The following PCDHA4 variants were observed in gnomAD, a reference collection of about 807,000 sequenced individuals.
PCDHA4 encodes protocadherin alpha-4.
In PCDHA4, 49 loss-of-function variants were observed where a neutral mutation model predicts 61.4. That is an observed-to-expected ratio of 0.80 (90% CI 0.63 to 1.01). PCDHA4 has a LOEUF of 1.01. Among genes scored for constraint, PCDHA4 ranks in the 50% least tolerant of loss-of-function variants. The pLI, the probability that PCDHA4 is intolerant of heterozygous loss-of-function variation, is 0.00. For synonymous variants in PCDHA4, 590 were observed against 550.3 expected (o/e 1.07, Z -1.01); for missense variants, 1,254 against 1,235.8 (o/e 1.01, Z -0.22).
At chr5:140,916,463 G>A (rs934007072) in intron 1 of PCDHA4, among the ~76,000 whole-genome samples, 2 of 152,212 alleles carry the variant, frequency 1.3e-5, no homozygotes, top group African/African-American at 2.4e-5. Flanking sequence ...TATCACTGCT[G>A]GTTATTTGGT....
Position 140,836,203 on chromosome 5 carries a change from T to G in PCDHA4, c.2385+26631T>G, listed in dbSNP as rs2150255288. The G allele has an allele frequency of 4.3e-6, 7 of 1,613,840 alleles. 1 individual carries two copies. The highest frequency in any genetic ancestry group is 1.7e-5 in the Admixed American group (1 of 60,022). On this transcript the variant is annotated intron_variant, in intron 1 of 3. Coordinates refer to ENST00000530339, the MANE Select transcript of PCDHA4 (RefSeq NM_018907.4). Reference sequence around the variant, plus strand: ...GCTGACTCAGGCTACAACGCGTGGCTTTCGTATGAGTTGCAACCGGTGGCG... The same window carrying G: ...GCTGACTCAGGCTACAACGCGTGGCGTTCGTATGAGTTGCAACCGGTGGCG...
chr5:140,977,067 A>G (rs2096744217), intron 1 of PCDHA4, among the ~76,000 whole-genome samples: 1 of 152,250 alleles, frequency 6.6e-6, no homozygotes, highest in South Asian at 2.1e-4. Context: ...TATAGAAAAT[A>G]GCAGCATGAC....
chr5:141,009,452 TAAAC>T (rs1226554195), intron 3 of PCDHA4, among the ~76,000 whole-genome samples, 171 bp from the exon 4 acceptor site: 1 of 152,120 alleles, frequency 6.6e-6, no homozygotes, highest in Non-Finnish European at 1.5e-5. Flanking sequence ...TCAAAAAAAT[TAAAC>T]AAATAAATAA....
In PCDHA4 at chr5:140,835,890, G is replaced by T. The variant is rs147416989; in HGVS notation, c.2385+26318G>T. Reference sequence around the variant, plus strand: ...GGTGGAGCTGCGGGTGGGCGAGCGCGCGCTGTCGAGCTACGTGTCAGTGCA... The same window carrying T: ...GGTGGAGCTGCGGGTGGGCGAGCGCTCGCTGTCGAGCTACGTGTCAGTGCA... On this transcript the variant is annotated intron_variant, in intron 1 of 3. Coordinates refer to ENST00000530339, the MANE Select transcript of PCDHA4 (RefSeq NM_018907.4). 490 of 1,611,966 alleles carry T rather than the reference G, an allele frequency of 3.0e-4. 3 individuals carry two copies. In the African/African-American group the frequency reaches 5.1e-3, roughly 17 times the overall value.
chr5:140,852,129 C>T (rs2042245206), intron 1 of PCDHA4: 2 of 891,056 alleles, frequency 2.2e-6, no homozygotes, highest in South Asian at 5.1e-5. Context: ...ATTAAAAACT[C>T]AGTAGAGAAA....
chr5:140,869,096 C>G (rs2050848393), intron 1 of PCDHA4: 2 of 1,594,364 alleles, frequency 1.3e-6, no homozygotes, highest in African/African-American at 2.7e-5. Context: ...AAGCCAATTT[C>G]GTATGCGATG....
At chr5:140,899,702 G>A (rs2067498720) in intron 1 of PCDHA4, among the ~76,000 whole-genome samples, 1 of 152,228 alleles carries the variant, frequency 6.6e-6, no homozygotes, top group African/African-American at 2.4e-5. Flanking sequence ...CATAAAATGA[G>A]TTAGGGAGGA....
intron 1 of PCDHA4, chr5:140,850,691 C>A: frequency 1.3e-6 from 2 of 1,598,334 alleles, no homozygotes; most frequent in Non-Finnish European, 1.7e-6. Context: ...AGGGCGAGTG[C>A]GCGCCTGGCA....
chr5:140,906,534 A>G (rs7704223), intron 1 of PCDHA4, among the ~76,000 whole-genome samples: 49,309 of 152,142 alleles, frequency 0.32, 8,308 homozygotes, highest in East Asian at 0.53. Flanking sequence ...GACAATTAAA[A>G]TCCTCATTTC....
At chr5:140,863,307 C>G in intron 1 of PCDHA4, 1 of 1,462,496 alleles carries the variant, frequency 6.8e-7, no homozygotes. Context: ...TCGCCATCTG[C>G]GTGGTGTCCA....
chr5:140,852,913 C>G, intron 1 of PCDHA4: 9 of 789,792 alleles, frequency 1.1e-5, no homozygotes, highest in Non-Finnish European at 1.4e-5. Flanking sequence ...GAGTCTCGCT[C>G]TGTTGCCCAG....
rs371906545 is a variant in PCDHA4, at chr5:140,875,244, A to C, written c.2385+65672A>C. 9 of 951,720 alleles carry C rather than the reference A, an allele frequency of 9.5e-6. No homozygotes were observed. The East Asian group carries it at 2.2e-4, about 24-fold the overall frequency. The allele number at this position is 951,720 out of a possible 1,614,324, so 59.0% of individuals were successfully genotyped here. A position where few individuals can be genotyped will look rare whatever the true frequency, so the allele number is the denominator to read the frequency against. ...TCAGGATCTTTCTTGTACTTACATA[A>C]TCAGTCACATGATGTCGCTCTACAC... On this transcript the variant is annotated intron_variant, in intron 1 of 3. Transcript: ENST00000530339.
At chr5:140,827,146 C>T (rs1245117168) in intron 1 of PCDHA4, among the ~76,000 whole-genome samples, 1 of 152,036 alleles carries the variant, frequency 6.6e-6, no homozygotes, top group Non-Finnish European at 1.5e-5. Flanking sequence ...AGAAGGGATG[C>T]AGATATGGAT....
Position 141,010,230 on chromosome 5 carries a change from C to T in PCDHA4, c.*293C>T. The T allele has an allele frequency of 1.3e-6, 2 of 1,551,936 alleles. No homozygotes were observed. Among genetic ancestry groups the T allele is most frequent in the African/African-American group, 1.4e-5 (1 of 73,162 alleles). Reference sequence around the variant, plus strand: ...GCAAAGGAGAGGCTTCCCAGCCCCGCCAGTGAGAGGTTGGACTCTCTGCCC... The same window carrying T: ...GCAAAGGAGAGGCTTCCCAGCCCCGTCAGTGAGAGGTTGGACTCTCTGCCC... On this transcript the variant is annotated 3_prime_UTR_variant, in exon 4 of 4. Transcript: ENST00000530339.
At chr5:140,833,396 C>T (rs2150208184) in intron 1 of PCDHA4, among the ~76,000 whole-genome samples, 1 of 152,272 alleles carries the variant, frequency 6.6e-6, no homozygotes, top group Non-Finnish European at 1.5e-5. Flanking sequence ...TACCTCAAGA[C>T]TTGATCAAAG....
chr5:140,968,150 A>C, intron 1 of PCDHA4: 1 of 1,614,180 alleles, frequency 6.2e-7, no homozygotes. Context: ...GATCTCTGAC[A>C]TCAATGACAA....
At chr5:140,857,569 G>T (rs1554150250) in intron 1 of PCDHA4, 3 of 1,596,900 alleles carry the variant, frequency 1.9e-6, no homozygotes, top group South Asian at 1.1e-5. Context: ...CGAGCTACGT[G>T]TCGGTGCACG....
chr5:140,917,955 C>T (rs1439909877), intron 1 of PCDHA4, among the ~76,000 whole-genome samples: 1 of 151,916 alleles, frequency 6.6e-6, no homozygotes, highest in Admixed American at 6.6e-5. Context: ...TTGATAGGAA[C>T]ATCATTGAAT....
chr5:140,877,217 C>A (rs571871387), intron 1 of PCDHA4: 2 of 1,613,742 alleles, frequency 1.2e-6, no homozygotes, highest in African/African-American at 1.3e-5. Flanking sequence ...GAGTTGGTAC[C>A]GCGGTCGGTG....
Sources: gnomAD v4.1 joint callset for allele counts (sites outside exome capture counted in the v4.1 genomes callset) on GRCh38, gnomAD v4.1.1 for gene constraint, MANE v1.5 for transcripts, NCBI Gene and HGNC (gene_info 2026-07-23, HGNC 2026-07-21) for gene names.